Variants in HUNK observed in about 807,000 individuals in gnomAD.
HUNK encodes the protein hormonally up-regulated neu tumor-associated kinase.
HUNK carries 21 observed loss-of-function variants against 61.0 expected under a neutral mutation model. The ratio of observed to expected loss-of-function variants is 0.34; its 90% CI spans 0.24 to 0.50. The LOEUF (loss-of-function observed/expected upper bound fraction) is 0.50, where lower values mean the gene tolerates loss of function less well. Ranked by LOEUF, HUNK falls within the 20% of genes least tolerant of loss-of-function variation. The pLI is 0.98. For synonymous variants in HUNK, 371 were observed against 386.1 expected (o/e 0.96, Z 0.46); for missense variants, 772 against 945.7 (o/e 0.82, Z 2.41).
chr21:31,878,965 G>A (rs1001908133), intron 1 of HUNK, among the ~76,000 whole-genome samples: 2 of 152,142 alleles, frequency 1.3e-5, no homozygotes, highest in Admixed American at 1.3e-4. Context: ...AGAATAATAA[G>A]CCGGCTTGTC....
At chr21:31,973,211 C>T (rs1057213896) in intron 6 of HUNK, among the ~76,000 whole-genome samples, 5 of 151,934 alleles carry the variant, frequency 3.3e-5, no homozygotes, top group African/African-American at 7.3e-5. Flanking sequence ...ATGTGCACAA[C>T]GTGCAGGTTT....
At chr21:31,923,691 A>G (rs1174859352) in intron 1 of HUNK, among the ~76,000 whole-genome samples, 1 of 151,956 alleles carries the variant, frequency 6.6e-6, no homozygotes, top group East Asian at 1.9e-4. Flanking sequence ...GGAATAGACA[A>G]TCTTCCCTTC....
intron 9 of HUNK, among the ~76,000 whole-genome samples, chr21:31,990,556 T>G (rs1056052513): frequency 7.0e-6 from 1 of 142,986 alleles, no homozygotes; most frequent in Non-Finnish European, 1.5e-5. Context: ...TTTATTTATT[T>G]ATTGAGTCTC....
chr21:31,987,845 C>T (rs1056302296), intron 8 of HUNK, among the ~76,000 whole-genome samples: 3 of 152,198 alleles, frequency 2.0e-5, no homozygotes, highest in South Asian at 2.1e-4. Flanking sequence ...ACCTTCCAGT[C>T]GTCCTCCGCA....
chr21:31,934,971 G>A lies in HUNK; in HGVS notation c.555-5194G>A, dbSNP rs548177154. ...TGTGAATAGCGCTGTAGTGTCTTTT[G>A]GGTAGAATGATTGATTTTCACCCTT... is the stretch of plus-strand genomic sequence containing the variant. On this transcript the variant is annotated intron_variant, in intron 2 of 10. Transcript: ENST00000270112. 1.6e-4 allele frequency among the ~76,000 whole-genome samples: 25 copies of A among 152,170 alleles called. No homozygotes were observed. The South Asian group carries it at 5.2e-3, about 32-fold the overall frequency.
At chr21:31,947,109 G>A (rs1488103538) in intron 4 of HUNK, among the ~76,000 whole-genome samples, 2 of 148,854 alleles carry the variant, frequency 1.3e-5, no homozygotes, top group Non-Finnish European at 3.0e-5. Flanking sequence ...CAAACCAGTG[G>A]CGCCTATGCA....
At chr21:31,958,067 C>T (rs1165456875) in intron 4 of HUNK, among the ~76,000 whole-genome samples, 2 of 152,134 alleles carry the variant, frequency 1.3e-5, no homozygotes, top group African/African-American at 4.8e-5. Flanking sequence ...CACATAATGG[C>T]AGTACTACTC....
At chr21:31,901,458 G>A (rs2052467253) in intron 1 of HUNK, among the ~76,000 whole-genome samples, 1 of 152,172 alleles carries the variant, frequency 6.6e-6, no homozygotes, top group Non-Finnish European at 1.5e-5. Context: ...TGGAGGCCTT[G>A]GCTTGGTGGC....
At position 32,000,304 on chromosome 21, in the gene HUNK, G is replaced by C. The variant is rs947042243; in HGVS notation, c.*1120G>C. 2 of 398,990 alleles carry C rather than the reference G, an allele frequency of 5.0e-6. No homozygotes were observed. The highest frequency in any genetic ancestry group is 4.1e-5 in the African/African-American group (2 of 48,630). The allele number at this position is 398,990 out of a possible 1,614,324, so 24.7% of individuals were successfully genotyped here. A position where few individuals can be genotyped will look rare whatever the true frequency, so the allele number is the denominator to read the frequency against. ...AGCAGGCTTGCCTGGCAGAGAACCT[G>C]TTCAGATACAGGCCAGTTTCTTCTT... On this transcript the variant is annotated 3_prime_UTR_variant, in exon 11 of 11. Coordinates refer to ENST00000270112, the MANE Select transcript of HUNK (RefSeq NM_014586.2).
rs192407280 is a variant in HUNK at position 31,937,113 on chromosome 21, T to G, written c.555-3052T>G. Among the ~76,000 whole-genome samples the G allele has an allele frequency of 4.3e-3, 649 of 152,318 alleles. 1 individual carries two copies. Among genetic ancestry groups the G allele is most frequent in the African/African-American group, 0.014 (599 of 41,578 alleles). On this transcript the variant is annotated intron_variant, in intron 2 of 10. Coordinates refer to ENST00000270112, the MANE Select transcript of HUNK (RefSeq NM_014586.2). ...GCATGTGTGTGTTTCGGAATTACTG[T>G]TTATGCCTGAATAGAAGTCAGGCTG...
At chr21:31,968,485 A>G (rs2052984029) in intron 6 of HUNK, 100 bp downstream of exon 6, 1 of 1,404,584 alleles carries the variant, frequency 7.1e-7, no homozygotes, top group African/African-American at 1.4e-5. Context: ...TTGAAGGAAA[A>G]GCCGCGCTCT....
chr21:31,992,975 C>A (rs967323424), intron 9 of HUNK, among the ~76,000 whole-genome samples: 1 of 152,146 alleles, frequency 6.6e-6, no homozygotes, highest in African/African-American at 2.4e-5. Context: ...TATGAAATCA[C>A]TGATTCTTTT....
At chr21:31,948,346 G>A (rs918435422) in intron 4 of HUNK, among the ~76,000 whole-genome samples, 5 of 152,270 alleles carry the variant, frequency 3.3e-5, no homozygotes, top group African/African-American at 9.6e-5. Flanking sequence ...CAGTTCCTTC[G>A]GCCTGGAACC....
chr21:31,988,269 T>C (rs2053147477), intron 8 of HUNK, among the ~76,000 whole-genome samples: 1 of 151,782 alleles, frequency 6.6e-6, no homozygotes, highest in South Asian at 2.1e-4. Flanking sequence ...GGTGGGGAGG[T>C]TATCATTTTA....
At chr21:31,990,529 A>T (rs1225484017) in intron 9 of HUNK, among the ~76,000 whole-genome samples, 2 of 149,294 alleles carry the variant, frequency 1.3e-5, no homozygotes, top group Non-Finnish European at 3.0e-5. Flanking sequence ...TTATTTATTT[A>T]TTTATTTATT....
chr21:31,951,034 G>A (rs921736666), intron 4 of HUNK, among the ~76,000 whole-genome samples: 1 of 152,000 alleles, frequency 6.6e-6, no homozygotes, highest in South Asian at 2.1e-4. Context: ...CGCTAGTGAA[G>A]CCATAATTAA....
At position 32,001,917 on chromosome 21, in the gene HUNK, T is replaced by A. The variant is rs2053248973; in HGVS notation, c.*2733T>A. On this transcript the variant is annotated 3_prime_UTR_variant, in exon 11 of 11. Transcript: ENST00000270112. ...GAAATGTCCATTTTAATTGTATGATTTGGTCATAAGTAAGGACTATATTTA... is the reference window on the plus strand; with the variant it reads ...GAAATGTCCATTTTAATTGTATGATATGGTCATAAGTAAGGACTATATTTA... 6.6e-6 allele frequency: 1 copy of A among 152,594 alleles called. No individual in the cohort carries two copies. The highest frequency in any genetic ancestry group is 6.5e-5 in the Admixed American group (1 of 15,282). 9.5% of individuals were successfully genotyped at this position (152,594 alleles called of 1,614,324 possible). A position where few individuals can be genotyped will look rare whatever the true frequency, so the allele number is the denominator to read the frequency against.
chr21:31,992,592 T>C lies in HUNK; in HGVS notation c.1305+2416T>C, dbSNP rs114378425. 4.3e-3 allele frequency among the ~76,000 whole-genome samples: 651 copies of C among 152,246 alleles called. 5 individuals are homozygous for C. The highest frequency in any genetic ancestry group is 0.015 in the African/African-American group (620 of 41,548). On this transcript the variant is annotated intron_variant, in intron 9 of 10. Transcript: ENST00000270112. ...ATTCCATCGCCCACCCTCAAGTCTATGTGGGTGCTGGAGCGCATCGGAGGG... is the reference window on the plus strand; with the variant it reads ...ATTCCATCGCCCACCCTCAAGTCTACGTGGGTGCTGGAGCGCATCGGAGGG...
chr21:31,961,906 T>A (rs1255272113), intron 5 of HUNK, among the ~76,000 whole-genome samples: 1 of 152,232 alleles, frequency 6.6e-6, no homozygotes, highest in Non-Finnish European at 1.5e-5. Context: ...GACCAGGTTA[T>A]GCTGCAGTAA....
Sources: gnomAD v4.1 joint callset for allele counts (sites outside exome capture counted in the v4.1 genomes callset) on GRCh38, gnomAD v4.1.1 for gene constraint, MANE v1.5 for transcripts, NCBI Gene and HGNC (gene_info 2026-07-23, HGNC 2026-07-21) for gene names.